The following TEX52 variants were observed in gnomAD, a reference collection of about 807,000 sequenced individuals.
TEX52 encodes testis expressed 52.
In TEX52, 22 loss-of-function variants were observed where a neutral mutation model predicts 17.6. That is an observed-to-expected ratio of 1.25 (90% confidence interval 0.89 to 1.78). TEX52 has a LOEUF of 1.78. TEX52 is among the 40% of genes most tolerant of loss of function. The pLI is 0.00. For synonymous variants in TEX52, 168 were observed against 147.4 expected (o/e 1.14, Z -1.01); for missense variants, 396 against 372.3 (o/e 1.06, Z -0.52).
Position 2,855,423 on chromosome 12 carries a change from GA to G in TEX52, c.95del (p.Leu32ProfsTer34). On this transcript the variant is annotated frameshift_variant, in exon 2 of 3. Coordinates refer to ENST00000637658, the MANE Select transcript of TEX52 (RefSeq NM_001365174.2). LOFTEE classifies it high-confidence loss of function. ...FLQMVQASES[L>X]PPSQTWAQRE... ...GCTGAGCCCACGTTTGGGAGGGTGG[GA>G]GGGACTCGCTGGCCTGGACCATCTA... The G allele has an allele frequency of 7.4e-7, 1 of 1,349,756 alleles. No individual in the cohort carries two copies. The allele number at this position is 1,349,756 out of a possible 1,614,324, so 83.6% of individuals were successfully genotyped here.
Position 2,855,182 on chromosome 12 carries a change from C to T in TEX52, c.337G>A (p.Asp113Asn), listed in dbSNP as rs2098083462. Residue 113 changes from aspartate to asparagine, a missense_variant, in exon 2 of 3, where the codon GAC (aspartate) becomes AAC (asparagine). Asp to Asn is a conservative substitution (Grantham distance 23). Coordinates refer to ENST00000637658, the MANE Select transcript of TEX52 (RefSeq NM_001365174.2). ...CAGACATTGCTATCGTAGGGCCTGT[C>T]AGGCTGGGTGGGGAAGGTGGCAGGC... ...RLPATFPTQP[D>N]RPYDSNVWRW... The T allele has an allele frequency of 2.6e-6, 4 of 1,511,968 alleles. No homozygotes were observed. The highest frequency in any genetic ancestry group is 3.5e-6 in the Non-Finnish European group (4 of 1,131,422). The allele number at this position is 1,511,968 out of a possible 1,614,324, so 93.7% of individuals were successfully genotyped here. A position where few individuals can be genotyped will look rare whatever the true frequency, so the allele number is the denominator to read the frequency against.
chr12:2,848,877 GCACA>G (rs3056877), downstream of TEX52, among the ~76,000 whole-genome samples: 8,176 of 140,308 alleles, frequency 0.058, 338 homozygotes, highest in South Asian at 0.15. Flanking sequence ...ACACACACAC[GCACA>G]CACACACACA....
At chr12:2,856,188 G>A (rs1212673430) in intron 1 of TEX52, among the ~76,000 whole-genome samples, 2 of 152,188 alleles carry the variant, frequency 1.3e-5, no homozygotes, top group African/African-American at 4.8e-5. Context: ...CACAGTAAGG[G>A]TAGGTGACTC....
Position 2,855,420 on chromosome 12 carries a change from T to C in TEX52, c.99A>G (p.Pro33=). 2 of 315,652 alleles carry C rather than the reference T, an allele frequency of 6.3e-6. No homozygotes were observed. The highest frequency in any genetic ancestry group is 1.3e-5 in the Non-Finnish European group (2 of 156,452). 19.6% of individuals were successfully genotyped at this position (315,652 alleles called of 1,614,324 possible). ...LQMVQASESL[P]PSQTWAQREF... ...CACGCTGAGCCCACGTTTGGGAGGGTGGGAGGGACTCGCTGGCCTGGACCA... is the reference window on the plus strand; with the variant it reads ...CACGCTGAGCCCACGTTTGGGAGGGCGGGAGGGACTCGCTGGCCTGGACCA... The change falls in exon 2 of 3, where the codon CCA becomes CCG. Residue 33 remains proline (P), a synonymous_variant. Coordinates refer to ENST00000637658, the MANE Select transcript of TEX52 (RefSeq NM_001365174.2).
intron 2 of TEX52, among the ~76,000 whole-genome samples, chr12:2,851,235 C>T (rs2098069886): frequency 6.6e-6 from 1 of 151,970 alleles, no homozygotes; most frequent in South Asian, 2.1e-4. Context: ...CTGGAAGTTG[C>T]TCTGGGTGAG....
rs978354296 is a variant in TEX52, at chr12:2,854,907, C to T, written c.612G>A (p.Ala204=). 1.2e-5 allele frequency: 19 copies of T among 1,533,764 alleles called. No homozygotes were observed. The highest frequency in any genetic ancestry group is 7.3e-5 in the East Asian group (3 of 40,826). Residue 204 remains alanine, a synonymous_variant, in exon 2 of 3, where the codon GCG becomes GCA. Transcript: ENST00000637658. ...LDAQGNIQPP[A]SFKKYRHISA... ...AGGCACCGTCTTACTTCTTGAAGCT[C>T]GCTGGCGGCTGGATGTTGCCCTGGG...
chr12:2,854,526 A>G (rs1241955316), intron 2 of TEX52, among the ~76,000 whole-genome samples: 1 of 152,132 alleles, frequency 6.6e-6, no homozygotes, highest in East Asian at 1.9e-4. Context: ...CTTTACATTA[A>G]TAACTGACTT....
intron 2 of TEX52, 22 bp downstream of exon 2, chr12:2,854,874 C>G: frequency 2.6e-6 from 4 of 1,516,334 alleles, no homozygotes; most frequent in Non-Finnish European, 3.5e-6. Context: ...TGGGTGGGCT[C>G]CCTGAGGAGG....
intron 1 of TEX52, among the ~76,000 whole-genome samples, chr12:2,856,384 G>A (rs1209271295): frequency 6.6e-6 from 1 of 152,092 alleles, no homozygotes; most frequent in African/African-American, 2.4e-5. Context: ...TCTTTTTTTA[G>A]ATGGAGTTTC....
chr12:2,851,621 G>A (rs1426110556), intron 2 of TEX52, among the ~76,000 whole-genome samples: 1 of 152,104 alleles, frequency 6.6e-6, no homozygotes, highest in Non-Finnish European at 1.5e-5. Context: ...GGGATTACAG[G>A]CGTGAGCCAC....
chr12:2,855,548 G>A, intron 1 of TEX52, 102 bp from the exon 2 acceptor site: 2 of 910,752 alleles, frequency 2.2e-6, no homozygotes, highest in Non-Finnish European at 1.5e-6. Context: ...ACCTCTGCCA[G>A]CCCAGGATTC....
chr12:2,854,890 TCTTA>T lies in TEX52; in HGVS notation c.623+2_623+5del, dbSNP rs1356607498. 1.2e-5 allele frequency: 18 copies of T among 1,529,216 alleles called. No homozygotes were observed. Among genetic ancestry groups the T allele is most frequent in the East Asian group, 2.5e-5 (1 of 40,640 alleles). The allele number at this position is 1,529,216 out of a possible 1,614,324, so 94.7% of individuals were successfully genotyped here. On this transcript the variant is annotated splice_donor_variant and splice_donor_5th_base_variant and intron_variant, in intron 2 of 2. Coordinates refer to ENST00000637658, the MANE Select transcript of TEX52 (RefSeq NM_001365174.2). LOFTEE classifies it high-confidence loss of function. ...GGGTGGGCTCCCTGAGGAGGCACCG[TCTTA>T]CTTCTTGAAGCTCGCTGGCGGCTGG... is the stretch of plus-strand genomic sequence containing the variant.
intron 2 of TEX52, among the ~76,000 whole-genome samples, chr12:2,854,626 G>A (rs1410230436): frequency 6.6e-6 from 1 of 152,178 alleles, no homozygotes; most frequent in East Asian, 1.9e-4. Flanking sequence ...TTGAGGGCAG[G>A]CACTGAGTCA....
chr12:2,852,572 G>A (rs1436511818), intron 2 of TEX52, among the ~76,000 whole-genome samples: 1 of 151,956 alleles, frequency 6.6e-6, no homozygotes, highest in African/African-American at 2.4e-5. Context: ...CTCATATGGT[G>A]CCCCAGGCTG....
rs1474954092 is a variant in TEX52 at position 2,849,244 on chromosome 12, G to T, written c.905C>A (p.Pro302His). ...KSPARKRKRR[P>H]GHF ...CTGGAAGCCCTTCTAGAAGTGTCCA[G>T]GTCTTCTCTTCCTCTTCCTTGCTGG... The change falls in exon 3 of 3, where the codon CCT becomes CAT. Residue 302 changes from proline to histidine, a missense_variant. Physicochemically the swap from Pro to His is moderately conservative, Grantham distance 77. Coordinates refer to ENST00000637658, the MANE Select transcript of TEX52 (RefSeq NM_001365174.2). 2 of 1,535,910 alleles carry T rather than the reference G, an allele frequency of 1.3e-6. No individual in the cohort carries two copies. The highest frequency in any genetic ancestry group is 2.0e-5 in the Admixed American group (1 of 50,950).
chr12:2,849,643 G>A (rs960402091), intron 2 of TEX52, 118 bp from the exon 3 acceptor site: 12 of 1,174,108 alleles, frequency 1.0e-5, no homozygotes, highest in African/African-American at 1.5e-5. Context: ...GCCATCAGGC[G>A]GCAGGGAATC....
Position 2,855,155 on chromosome 12 carries a change from G to A in TEX52, c.364C>T (p.Arg122Cys), listed in dbSNP as rs777953082. The change falls in exon 2 of 3, where the codon CGC (arginine) becomes TGC (cysteine). Residue 122 changes from arginine (R) to cysteine (C), a missense_variant. Arg to Cys is a radical substitution (Grantham distance 180). Coordinates refer to ENST00000637658, the MANE Select transcript of TEX52 (RefSeq NM_001365174.2). Reference sequence around the variant, plus strand: ...TGGGCATTGGAGTCGGTCAGCCAGCGCCAGACATTGCTATCGTAGGGCCTG... The same window carrying A: ...TGGGCATTGGAGTCGGTCAGCCAGCACCAGACATTGCTATCGTAGGGCCTG... ...PDRPYDSNVW[R>C]WLTDSNAHRC... 42 of 1,525,764 alleles carry A rather than the reference G, an allele frequency of 2.8e-5. No homozygotes were observed. In the Middle Eastern group the frequency reaches 1.0e-3, roughly 37 times the overall value. The allele number at this position is 1,525,764 out of a possible 1,614,324, so 94.5% of individuals were successfully genotyped here.
intron 1 of TEX52, 125 bp from the exon 2 acceptor site, chr12:2,855,571 A>G: frequency 1.4e-6 from 1 of 689,800 alleles, no homozygotes; most frequent in Non-Finnish European, 2.2e-6. Context: ...ATGAGGACGC[A>G]GAAGTCCTGG....
At chr12:2,854,866 G>A in intron 2 of TEX52, 30 bp downstream of exon 2, 1 of 1,512,054 alleles carries the variant, frequency 6.6e-7, no homozygotes, top group Non-Finnish European at 8.8e-7. Context: ...GGGCAGGCTG[G>A]GTGGGCTCCC....
Sources: gnomAD v4.1 joint callset for allele counts (sites outside exome capture counted in the v4.1 genomes callset) on GRCh38, gnomAD v4.1.1 for gene constraint, MANE v1.5 for transcripts, NCBI Gene and HGNC (gene_info 2026-07-23, HGNC 2026-07-21) for gene names.